ARRDC5: variants seen among roughly 807,000 people sequenced by gnomAD.
ARRDC5 encodes arrestin domain-containing protein 5.
A neutral mutation model predicts 13.3 loss-of-function variants in ARRDC5; 12 were observed. That is an observed-to-expected ratio of 0.90 (90% CI 0.58 to 1.46). ARRDC5 has a LOEUF of 1.46. Ranked by LOEUF, ARRDC5 falls within the 40% of genes most tolerant of loss-of-function variation. The pLI, the probability that ARRDC5 is intolerant of heterozygous loss-of-function variation, is 0.00. For missense variants in ARRDC5, 406 were observed against 418.7 expected, an observed-to-expected ratio of 0.97 and a Z score of 0.26; for synonymous variants, 181 against 173.4, an observed-to-expected ratio of 1.04 and a Z score of -0.34.
At chr19:4,897,810 G>A (rs62112503) in intron 1 of ARRDC5, among the ~76,000 whole-genome samples, 13,117 of 152,296 alleles carry the variant, frequency 0.086, 679 homozygotes, top group Middle Eastern at 0.19. Flanking sequence ...AAACTGGCTG[G>A]GCCCAGTGGC....
chr19:4,915,436 G>C, the ARRDC5 span, among the ~76,000 whole-genome samples: 7 of 152,308 alleles, frequency 4.6e-5, no homozygotes, highest in Admixed American at 1.3e-4. Flanking sequence ...AGGTATGGCG[G>C]GGCCCAGTGG....
chr19:4,912,870 C>T, the ARRDC5 span, among the ~76,000 whole-genome samples: 1 of 152,108 alleles, frequency 6.6e-6, no homozygotes, highest in Non-Finnish European at 1.5e-5. Context: ...AGCAATCCTC[C>T]AGCCTCAGCC....
At chr19:4,896,340 A>G (rs2031716740) in intron 2 of ARRDC5, among the ~76,000 whole-genome samples, 1 of 82,504 alleles carries the variant, frequency 1.2e-5, no homozygotes, top group Admixed American at 1.6e-4. Flanking sequence ...ATATATATAT[A>G]TATATATATT....
Position 4,891,259 on chromosome 19 carries a change from G to A in ARRDC5, c.774C>T (p.Asn258=), listed in dbSNP as rs2031494475. ...TGCTCACGGACAGCAGCAACGGCAG[G>A]TTGAAGGTGCTGACAACCTTGGTGG... is the stretch of plus-strand genomic sequence containing the variant. ...FNTTKVVSTF[N]LPLLLSVSSS... Residue 258 remains asparagine (N), a synonymous_variant, in exon 3 of 3, where the codon AAC becomes AAT. Transcript: ENST00000650722. 6.2e-7 allele frequency: 1 copy of A among 1,613,868 alleles called. No individual in the cohort carries two copies. The highest frequency in any genetic ancestry group is 1.7e-5 in the Admixed American group (1 of 59,982).
At chr19:4,896,405 C>CACACACACACACACATATAT in intron 2 of ARRDC5, among the ~76,000 whole-genome samples, 2 of 106,366 alleles carry the variant, frequency 1.9e-5, no homozygotes, top group Non-Finnish European at 3.6e-5. Context: ...CACACACACA[C>CACACACACACACACATATAT]ATATATATAA....
At chr19:4,915,784 G>C in the ARRDC5 span, among the ~76,000 whole-genome samples, 4 of 152,124 alleles carry the variant, frequency 2.6e-5, no homozygotes, top group African/African-American at 9.7e-5. Flanking sequence ...GGACATAGTT[G>C]GTCAATTAGA....
chr19:4,900,911 C>T (rs12982944), intron 1 of ARRDC5, among the ~76,000 whole-genome samples: 13,107 of 151,766 alleles, frequency 0.086, 678 homozygotes, highest in Middle Eastern at 0.19. Context: ...GCCAGCTACT[C>T]GGGAGGCTGA....
Position 4,891,435 on chromosome 19 carries a change from G to T in ARRDC5, c.598C>A (p.Gln200Lys), listed in dbSNP as rs1418334008. 1 of 1,613,534 alleles carries T rather than the reference G, an allele frequency of 6.2e-7. No individual in the cohort carries two copies. The highest frequency in any genetic ancestry group is 1.1e-5 in the South Asian group (1 of 91,090). The change falls in exon 3 of 3, where the codon CAG becomes AAG. Residue 200 changes from glutamine (Q) to lysine (K), a missense_variant. Physicochemically the swap from Gln to Lys is moderately conservative, Grantham distance 53. Coordinates refer to ENST00000650722, the MANE Select transcript of ARRDC5 (RefSeq NM_001080523.3). ...ACCGTCTTGATGCATTTGCTGGTCT[G>T]GTTGTTGATCTCTGTTGTGAAGACG... ...KVVFTTEINN[Q>K]TSKCIKTVVF...
chr19:4,908,616 C>G, the ARRDC5 span, among the ~76,000 whole-genome samples: 1 of 152,202 alleles, frequency 6.6e-6, no homozygotes, highest in Admixed American at 6.5e-5. Context: ...CAAATGTCAT[C>G]TTCTCTGAGA....
intron 2 of ARRDC5, among the ~76,000 whole-genome samples, chr19:4,896,343 TATATA>T (rs1321242305): frequency 4.0e-5 from 3 of 74,538 alleles, no homozygotes; most frequent in African/African-American, 2.3e-4. Context: ...TATATATATA[TATATA>T]TTTTTTTTTT....
chr19:4,893,179 TATA>T (rs1336316490), intron 2 of ARRDC5, among the ~76,000 whole-genome samples: 1 of 141,366 alleles, frequency 7.1e-6, no homozygotes, highest in African/African-American at 2.6e-5. Flanking sequence ...TTATATATAA[TATA>T]TTATAATAAT....
At chr19:4,906,366 C>T (rs1190192465), upstream of ARRDC5, among the ~76,000 whole-genome samples, 1 of 152,162 alleles carries the variant, frequency 6.6e-6, no homozygotes, top group Non-Finnish European at 1.5e-5. Flanking sequence ...TCCTCAGTAT[C>T]TTTTCTGCAG....
the ARRDC5 span, chr19:4,909,771 C>T: frequency 6.4e-6 from 3 of 467,520 alleles, no homozygotes; most frequent in African/African-American, 6.2e-5. Flanking sequence ...GCACTCTGTC[C>T]CGGGATCCAG....
At chr19:4,916,572 G>A in the ARRDC5 span, among the ~76,000 whole-genome samples, 9 of 152,274 alleles carry the variant, frequency 5.9e-5, no homozygotes, top group South Asian at 1.9e-3. Context: ...GGGTCGAAGG[G>A]CAGAGTTCCG....
Position 4,902,776 on chromosome 19 carries a change from T to C in ARRDC5, c.50A>G (p.Tyr17Cys). ...IELVLPEDRIYLAGSSIKGQV... is the reference protein window; with the variant it reads ...IELVLPEDRICLAGSSIKGQV... ...CCCTTTTATGCTGGAGCCAGCCAGG[T>C]AGATTCTATCCTCGGGCAGCACTAA... is the stretch of plus-strand genomic sequence containing the variant. The change falls in exon 1 of 3, where the codon TAC becomes TGC. Residue 17 changes from tyrosine (Y) to cysteine (C), a missense_variant. Tyr to Cys is a radical substitution (Grantham distance 194). Coordinates refer to ENST00000650722, the MANE Select transcript of ARRDC5 (RefSeq NM_001080523.3). 2 of 1,613,946 alleles carry C rather than the reference T, an allele frequency of 1.2e-6. No homozygotes were observed. Among genetic ancestry groups the C allele is most frequent in the Non-Finnish European group, 1.7e-6 (2 of 1,179,892 alleles).
rs1262628216 is a variant in ARRDC5 at position 4,896,346 on chromosome 19, ATATTTTT to A, written c.459+318_459+324del. Among the ~76,000 whole-genome samples, 180 of 72,096 alleles carry A rather than the reference ATATTTTT, an allele frequency of 2.5e-3. 11 individuals are homozygous for A. The highest frequency in any genetic ancestry group is 3.1e-3 in the Non-Finnish European group (130 of 42,570). The allele number at this position is 72,096 out of a possible 152,430, so 47.3% of individuals were successfully genotyped here. On this transcript the variant is annotated intron_variant, in intron 2 of 2. Transcript: ENST00000650722. ...AAAAAAAAAATATATATATATATATATATTTTTTTTTTTTTACACACACACACACACA... is the reference window on the plus strand; with the variant it reads ...AAAAAAAAAATATATATATATATATATTTTTTTTACACACACACACACACA...
In ARRDC5 at chr19:4,891,247, C is replaced by T; in HGVS notation, c.786G>A (p.Leu262=). The T allele has an allele frequency of 1.9e-6, 3 of 1,613,904 alleles. No individual in the cohort carries two copies. Among genetic ancestry groups the T allele is most frequent in the Non-Finnish European group, 1.7e-6 (2 of 1,179,872 alleles). The change falls in exon 3 of 3, where the codon CTG becomes CTA. Residue 262 remains leucine (L), a synonymous_variant. Transcript: ENST00000650722. ...CCTGCGTGCTGCTGCTCACGGACAG[C>T]AGCAACGGCAGGTTGAAGGTGCTGA... is the stretch of plus-strand genomic sequence containing the variant. ...KVVSTFNLPL[L]LSVSSSTQDG... is the part of the protein sequence containing the mutation.
At chr19:4,911,118 C>T in the ARRDC5 span, 1 of 1,321,218 alleles carries the variant, frequency 7.6e-7, no homozygotes, top group South Asian at 1.7e-5. Flanking sequence ...TACTTTCTCC[C>T]TCCCACCTCC....
upstream of ARRDC5, among the ~76,000 whole-genome samples, chr19:4,906,894 A>G (rs1169667668): frequency 6.6e-6 from 1 of 152,246 alleles, no homozygotes; most frequent in Non-Finnish European, 1.5e-5. Context: ...ATTTTGGAAG[A>G]GCTCAAGCCG....
Sources: allele counts gnomAD v4.1 joint callset (sites outside exome capture counted in the v4.1 genomes callset), GRCh38; gene constraint gnomAD v4.1.1; transcripts MANE v1.5; gene names NCBI Gene and HGNC (gene_info 2026-07-23, HGNC 2026-07-21).